WIZ: variants seen among roughly 807,000 people sequenced by gnomAD.
WIZ encodes the protein WIZ zinc finger.
In WIZ, 25 loss-of-function variants were observed where a neutral mutation model predicts 140.2. The ratio of observed to expected loss-of-function variants is 0.18; its 90% CI spans 0.13 to 0.25. The LOEUF is 0.25. Ranked by LOEUF, WIZ falls within the 10% of genes least tolerant of loss-of-function variation. The probability of loss-of-function intolerance (pLI) is 1.00; values close to 1 mark genes in which losing one functional copy is unlikely to be tolerated. For synonymous variants in WIZ, 1,125 were observed against 1,154.3 expected (o/e 0.97, Z 0.51); for missense variants, 2,231 against 2,632.6 (o/e 0.85, Z 3.34).
Position 15,430,187 on chromosome 19 carries a change from A to G in WIZ, c.2912-98T>C, listed in dbSNP as rs575505234. On this transcript the variant is annotated intron_variant, in intron 6 of 12. Coordinates refer to ENST00000673675, the MANE Select transcript of WIZ (RefSeq NM_001371589.1). ...TGAGAGTCCCACTCACCCAGGCTCC[A>G]TGGAAGTGTTTTGCCTCCGTCAGGC... is the stretch of plus-strand genomic sequence containing the variant. 1.3e-5 allele frequency: 19 copies of G among 1,424,362 alleles called. No individual in the cohort carries two copies. The African/African-American group carries it at 2.4e-4, about 18-fold the overall frequency. 88.2% of individuals were successfully genotyped at this position (1,424,362 alleles called of 1,614,324 possible).
chr19:15,428,304 C>A lies in WIZ; in HGVS notation c.3620G>T (p.Gly1207Val). ...CGGCCGCCCCGGGTGGGCCAGGGCG[C>A]CGCGCCTGGGTGGGAGGCGGATCTG... ...GVQIRLPPRR[G>V]ALAHPGRPPP... is the part of the protein sequence containing the mutation. The change falls in exon 8 of 13, where the codon GGC becomes GTC. Residue 1207 changes from glycine to valine, a missense_variant. By Grantham distance (109) the Gly-to-Val change is moderately radical. Transcript: ENST00000673675. The surrounding 1 kb of genome is among the most constrained non-coding windows in gnomAD (Gnocchi z 6.4). The A allele has an allele frequency of 1.3e-6, 2 of 1,532,078 alleles. No individual in the cohort carries two copies. Among genetic ancestry groups the A allele is most frequent in the Non-Finnish European group, 1.7e-6 (2 of 1,145,300 alleles). 94.9% of individuals were successfully genotyped at this position (1,532,078 alleles called of 1,614,324 possible).
Position 15,425,674 on chromosome 19 carries a change from G to A in WIZ, c.4461C>T (p.His1487=), listed in dbSNP as rs758667173. The change falls in exon 10 of 13, where the codon CAC becomes CAT. Residue 1487 remains histidine (H), a synonymous_variant. Transcript: ENST00000673675. The stretch of plus-strand genomic sequence containing the variant: ...ACTCGGTCACACCCATCTGCCGCAG[G>A]TGTGAGCGCGCGTGACTCGACAGGC... The part of the protein sequence containing the change: ...RKGLSSHARS[H]LRQMGVTEWS... 1.9e-6 allele frequency: 3 copies of A among 1,613,492 alleles called. No homozygotes were observed. The highest frequency in any genetic ancestry group is 4.5e-5 in the East Asian group (2 of 44,836).
Position 15,425,625 on chromosome 19 carries a change from C to T in WIZ, c.4510G>A (p.Asp1504Asn). 1.9e-6 allele frequency: 3 copies of T among 1,613,542 alleles called. No homozygotes were observed. Among genetic ancestry groups the T allele is most frequent in the Non-Finnish European group, 2.5e-6 (3 of 1,179,908 alleles). Reference protein sequence around the residue: ...TEWSVNGSPIDTLREILKKKS... With the variant: ...TEWSVNGSPINTLREILKKKS... Reference sequence around the variant, plus strand: ...TTCTTGAGGATCTCTCGCAGTGTGTCGATGGGCGAACCATTGACGGACCAC... The same window carrying T: ...TTCTTGAGGATCTCTCGCAGTGTGTTGATGGGCGAACCATTGACGGACCAC... The change falls in exon 10 of 13, where the codon GAC becomes AAC. Residue 1504 changes from aspartate to asparagine, a missense_variant. Physicochemically the swap from Asp to Asn is conservative, Grantham distance 23. Around this residue, in one of 15 missense-constraint regions of WIZ, gnomAD observed 393 missense variants for 451.7 expected, o/e 0.87. Transcript: ENST00000673675.
At chr19:15,437,290 C>T (rs1213608679) in intron 4 of WIZ, among the ~76,000 whole-genome samples, 161 bp from the exon 5 acceptor site, 1 of 152,190 alleles carries the variant, frequency 6.6e-6, no homozygotes, top group Non-Finnish European at 1.5e-5. Context: ...CATCCTCCCA[C>T]CCCATTCCAG....
Position 15,423,131 on chromosome 19 carries a change from G to A in WIZ, c.5615C>T (p.Pro1872Leu), listed in dbSNP as rs374817237. The change falls in exon 13 of 13, where the codon CCA (proline) becomes CTA (leucine). Residue 1872 changes from proline to leucine, a missense_variant. Physicochemically the swap from Pro to Leu is moderately conservative, Grantham distance 98 (BLOSUM62 -3). Transcript: ENST00000673675. ...CTGCGGGGCCTGGGACTCCTCAGGT[G>A]GGGGGTCCGCTTTGGAGAAGTTCAT... ...LEMNFSKADPPPEESQAPQAQ... is the reference protein window; with the variant it reads ...LEMNFSKADPLPEESQAPQAQ... The A allele has an allele frequency of 3.7e-6, 6 of 1,612,520 alleles. No individual in the cohort carries two copies. The highest frequency in any genetic ancestry group is 4.5e-5 in the East Asian group (2 of 44,886).
At chr19:15,437,163 G>A in intron 4 of WIZ, 34 bp from the exon 5 acceptor site, 1 of 1,533,410 alleles carries the variant, frequency 6.5e-7, no homozygotes, top group Non-Finnish European at 8.8e-7. Context: ...CTGAGGTGGA[G>A]AGGGGGCTAC....
At position 15,448,121 on chromosome 19, in the gene WIZ, C is replaced by T. The variant is rs1300156243; in HGVS notation, c.187G>A (p.Gly63Ser). The T allele has an allele frequency of 1.2e-6, 2 of 1,612,528 alleles. No individual in the cohort carries two copies. The highest frequency in any genetic ancestry group is 2.2e-5 in the East Asian group (1 of 44,852). Residue 63 changes from glycine (G) to serine (S), a missense_variant, in exon 2 of 13, where the codon GGC becomes AGC. Coordinates refer to ENST00000673675, the MANE Select transcript of WIZ (RefSeq NM_001371589.1). The part of the protein sequence containing the change: ...TKEGPRDILD[G>S]RGGISDGQPH... The stretch of plus-strand genomic sequence containing the variant: ...CTCTTACCAGAGATGCCACCTCTGC[C>T]ATCCAGAATGTCTCGGGGGCCCTCC...
In WIZ at chr19:15,442,842, A is replaced by G. The variant is rs1969791906; in HGVS notation, c.206-94T>C. ...CAGGAGCCCTGCCAGGTGCCTCAGA[A>G]AGGCCCTGCTGGCTCCCAGTTCCTC... On this transcript the variant is annotated intron_variant, in intron 2 of 12. Coordinates refer to ENST00000673675, the MANE Select transcript of WIZ (RefSeq NM_001371589.1). The surrounding 1 kb of genome is among the most constrained non-coding windows in gnomAD (Gnocchi z 5.5). 1.4e-6 allele frequency: 1 copy of G among 731,510 alleles called. No individual in the cohort carries two copies. Among genetic ancestry groups the G allele is most frequent in the Non-Finnish European group, 1.9e-6 (1 of 530,954 alleles). The allele number at this position is 731,510 out of a possible 1,614,324, so 45.3% of individuals were successfully genotyped here.
intron 5 of WIZ, chr19:15,436,513 G>T: frequency 2.6e-6 from 1 of 386,982 alleles, no homozygotes; most frequent in Non-Finnish European, 4.6e-6. Flanking sequence ...TTTGTAAAGT[G>T]CTTAGAACGA....
rs540178819 is a variant in WIZ at position 15,435,609 on chromosome 19, C to T, written c.2740+1197G>A. ...CAGCACTTTGGGAGGCCGAAGCGGGCAGATCACTTGAGGTCAGGAGTTTGA... is the reference window on the plus strand; with the variant it reads ...CAGCACTTTGGGAGGCCGAAGCGGGTAGATCACTTGAGGTCAGGAGTTTGA... On this transcript the variant is annotated intron_variant, in intron 5 of 12. Transcript: ENST00000673675. 3.3e-5 allele frequency among the ~76,000 whole-genome samples: 5 copies of T among 152,168 alleles called. No individual in the cohort carries two copies. The South Asian group carries it at 1.0e-3, about 32-fold the overall frequency.
At chr19:15,435,694 G>A (rs995099976) in intron 5 of WIZ, among the ~76,000 whole-genome samples, 1 of 152,032 alleles carries the variant, frequency 6.6e-6, no homozygotes, top group Non-Finnish European at 1.5e-5. Flanking sequence ...TTAGCCAGGC[G>A]TGGTGGTGCA....
rs751673717 is a variant in WIZ at position 15,431,130 on chromosome 19, C to T, written c.2793G>A (p.Ser931=). 9.8e-6 allele frequency: 15 copies of T among 1,534,792 alleles called. No individual in the cohort carries two copies. The highest frequency in any genetic ancestry group is 2.4e-5 in the East Asian group (1 of 40,848). The change falls in exon 6 of 13, where the codon TCG becomes TCA. Residue 931 remains serine (S), a synonymous_variant. Coordinates refer to ENST00000673675, the MANE Select transcript of WIZ (RefSeq NM_001371589.1). ...AMVAMDLGSP[S]LPKKSLPVPG... is the part of the protein sequence containing the mutation. ...GGACAGGCAGGCTCTTCTTAGGGAG[C>T]GAGGGAGAGCCCAAGTCCATGGCCA...
intron 2 of WIZ, among the ~76,000 whole-genome samples, chr19:15,447,695 C>T (rs1370000715): frequency 6.6e-6 from 1 of 152,146 alleles, no homozygotes; most frequent in East Asian, 1.9e-4. Context: ...CTGTTTTGGC[C>T]CGTGGTTCAG....
chr19:15,422,982 G>A lies in WIZ; in HGVS notation c.*94C>T. ...GTTTGAGGTTTTGGCTTGCTCCTTTGGAAACGGAAAGAAAGAGGAAGAGGG... is the reference window on the plus strand; with the variant it reads ...GTTTGAGGTTTTGGCTTGCTCCTTTAGAAACGGAAAGAAAGAGGAAGAGGG... On this transcript the variant is annotated 3_prime_UTR_variant, in exon 13 of 13. Transcript: ENST00000673675. 1.3e-6 allele frequency: 2 copies of A among 1,521,662 alleles called. No individual in the cohort carries two copies. The highest frequency in any genetic ancestry group is 2.0e-5 in the Admixed American group (1 of 50,596). 94.3% of individuals were successfully genotyped at this position (1,521,662 alleles called of 1,614,324 possible).
intron 1 of WIZ, among the ~76,000 whole-genome samples, chr19:15,448,648 T>C (rs1970003015): frequency 6.6e-6 from 1 of 152,142 alleles, no homozygotes; most frequent in Non-Finnish European, 1.5e-5. Context: ...CTCAGCCACC[T>C]GGTCTTCTTC....
At position 15,442,651 on chromosome 19, in the gene WIZ, AGGTCAGGGCCAGCATG is replaced by A. The variant is rs1969785953; in HGVS notation, c.278+9_278+24del. 1.6e-6 allele frequency: 2 copies of A among 1,231,164 alleles called. No homozygotes were observed. The highest frequency in any genetic ancestry group is 2.0e-6 in the Non-Finnish European group (2 of 987,250). The allele number at this position is 1,231,164 out of a possible 1,614,324, so 76.3% of individuals were successfully genotyped here. On this transcript the variant is annotated intron_variant, in intron 3 of 12. Transcript: ENST00000673675. This position sits in a 1 kb window ranked among gnomAD's most constrained non-coding sequence, Gnocchi z 5.5. ...CCTGCTTGCCCCCCTGCCCTCCCTG[AGGTCAGGGCCAGCATG>A]GCACTCACCAGCTGCTGATCCGATG...
rs903351764 is a variant in WIZ at position 15,428,585 on chromosome 19, G to GTGTGATT, written c.3416-84_3416-78dup. 5 of 1,524,356 alleles carry GTGTGATT rather than the reference G, an allele frequency of 3.3e-6. No individual in the cohort carries two copies. In the African/African-American group the frequency reaches 6.9e-5, roughly 21 times the overall value. The allele number at this position is 1,524,356 out of a possible 1,614,324, so 94.4% of individuals were successfully genotyped here. Reference sequence around the variant, plus strand: ...TGGGGGCCTGAGGTAGGAGGGTCTGGTGTGATTTTTGGCTGCTCAGGCAGT... The same window carrying GTGTGATT: ...TGGGGGCCTGAGGTAGGAGGGTCTGGTGTGATTTGTGATTTTTGGCTGCTCAGGCAGT... On this transcript the variant is annotated intron_variant, in intron 7 of 12. Transcript: ENST00000673675. The surrounding 1 kb of genome is among the most constrained non-coding windows in gnomAD (Gnocchi z 6.4).
chr19:15,425,738 C>G lies in WIZ; in HGVS notation c.4397G>C (p.Arg1466Pro). Residue 1466 changes from arginine to proline, a missense_variant, in exon 10 of 13, where the codon CGC becomes CCC. Arg to Pro is a moderately radical substitution (Grantham distance 103, BLOSUM62 -2). Around this residue, in one of 15 missense-constraint regions of WIZ, gnomAD observed 393 missense variants for 451.7 expected, o/e 0.87. Transcript: ENST00000673675. ...SSRAEPVRDI[R>P]CEFCGEFFEN... Reference sequence around the variant, plus strand: ...GAAGAACTCGCCGCAGAACTCACAGCGGATGTCGCGCACCGGCTCTGCCCG... The same window carrying G: ...GAAGAACTCGCCGCAGAACTCACAGGGGATGTCGCGCACCGGCTCTGCCCG... 6 of 1,601,758 alleles carry G rather than the reference C, an allele frequency of 3.7e-6. No homozygotes were observed. Among genetic ancestry groups the G allele is most frequent in the Non-Finnish European group, 5.1e-6 (6 of 1,173,608 alleles).
chr19:15,432,765 G>A (rs898766957), intron 5 of WIZ, among the ~76,000 whole-genome samples: 1 of 151,368 alleles, frequency 6.6e-6, no homozygotes, highest in African/African-American at 2.4e-5. Flanking sequence ...GCCGAGTGCC[G>A]AGTGCCGCTG....
Sources: gnomAD v4.1 joint callset for allele counts (sites outside exome capture counted in the v4.1 genomes callset) on GRCh38, gnomAD v4.1.1 for gene constraint, gnomAD v4.1.1 regional missense constraint, Gnocchi (gnomAD v3.1) non-coding constraint, MANE v1.5 for transcripts, NCBI Gene and HGNC (gene_info 2026-07-23, HGNC 2026-07-21) for gene names.